The following GRID2 variants were observed in gnomAD, a reference collection of about 807,000 sequenced individuals.
GRID2 encodes glutamate receptor ionotropic, delta-2.
Under a neutral mutation model 114.8 loss-of-function variants are expected in GRID2, and 33 were observed. The observed-to-expected ratio is 0.29, with a 90% CI of 0.22 to 0.38. The LOEUF (loss-of-function observed/expected upper bound fraction) is 0.38. Ranked by LOEUF, GRID2 falls within the 10% of genes least tolerant of loss-of-function variation. The pLI, the probability that GRID2 is intolerant of heterozygous loss-of-function variation, is 1.00. For missense variants in GRID2, 1,184 were observed against 1,257.7 expected, an observed-to-expected ratio of 0.94 and a Z score of 0.89; for synonymous variants, 505 against 449.9, an observed-to-expected ratio of 1.12 and a Z score of -1.55.
intron 3 of GRID2, among the ~76,000 whole-genome samples, chr4:93,090,039 T>C (rs1471767813): frequency 6.6e-6 from 1 of 152,152 alleles, no homozygotes; most frequent in African/African-American, 2.4e-5. Flanking sequence ...ACAGGAGACC[T>C]ATGGAGAATT....
intron 2 of GRID2, among the ~76,000 whole-genome samples, chr4:92,793,717 G>A (rs1739704148): frequency 1.3e-5 from 2 of 151,730 alleles, no homozygotes; most frequent in Non-Finnish European, 2.9e-5. Context: ...CTGAAAGTTG[G>A]CTCTCTACTT....
intron 1 of GRID2, among the ~76,000 whole-genome samples, chr4:92,555,626 T>C (rs1241767617): frequency 6.6e-6 from 1 of 152,164 alleles, no homozygotes; most frequent in Non-Finnish European, 1.5e-5. Flanking sequence ...CATTTTGGCA[T>C]GTTCTCGAGG....
chr4:93,758,318 A>G (rs1732930101), intron 14 of GRID2, among the ~76,000 whole-genome samples: 1 of 152,210 alleles, frequency 6.6e-6, no homozygotes. Flanking sequence ...CTCCTGGCTG[A>G]GAGTTTTTAT....
chr4:93,550,721 A>C (rs1733675654), intron 13 of GRID2, among the ~76,000 whole-genome samples: 1 of 152,234 alleles, frequency 6.6e-6, no homozygotes, highest in Non-Finnish European at 1.5e-5. Flanking sequence ...AATATGTTGA[A>C]TAATCCTTAA....
At chr4:92,666,673 G>C (rs1579802064) in intron 2 of GRID2, among the ~76,000 whole-genome samples, 1 of 48,498 alleles carries the variant, frequency 2.1e-5, no homozygotes. Flanking sequence ...TTTTTTTTCA[G>C]ATCTTTTCTG....
intron 2 of GRID2, among the ~76,000 whole-genome samples, chr4:92,596,902 C>T (rs1471887116): frequency 6.6e-6 from 1 of 151,952 alleles, no homozygotes; most frequent in Admixed American, 6.6e-5. Flanking sequence ...CATATAACTC[C>T]AGGAATAAAA....
chr4:93,257,773 G>C (rs867007739), intron 8 of GRID2, among the ~76,000 whole-genome samples: 1 of 151,244 alleles, frequency 6.6e-6, no homozygotes, highest in Non-Finnish European at 1.5e-5. Context: ...CATGATGTGT[G>C]AGTGCCCTAC....
intron 13 of GRID2, among the ~76,000 whole-genome samples, chr4:93,615,032 T>C (rs905319839): frequency 2.0e-5 from 3 of 152,228 alleles, no homozygotes; most frequent in Non-Finnish European, 2.9e-5. Flanking sequence ...TGGTGTGCAA[T>C]GCTGCTCTTA....
intron 1 of GRID2, among the ~76,000 whole-genome samples, chr4:92,509,064 C>T (rs1329112209): frequency 6.6e-6 from 1 of 151,660 alleles, no homozygotes; most frequent in Non-Finnish European, 1.5e-5. Context: ...GAGACCCTGT[C>T]TGTTAAAAAA....
intron 1 of GRID2, among the ~76,000 whole-genome samples, chr4:92,444,497 G>T (rs565793094): frequency 6.6e-6 from 1 of 152,060 alleles, no homozygotes; most frequent in African/African-American, 2.4e-5. Flanking sequence ...GGCAAGGACT[G>T]GCCATTTACA....
At chr4:93,656,504 G>T (rs1723003133) in intron 14 of GRID2, among the ~76,000 whole-genome samples, 1 of 151,826 alleles carries the variant, frequency 6.6e-6, no homozygotes, top group African/African-American at 2.4e-5. Flanking sequence ...AGTAAATTTA[G>T]CCTATTCATC....
chr4:92,555,431 C>A (rs1726805256), intron 1 of GRID2, among the ~76,000 whole-genome samples: 1 of 152,072 alleles, frequency 6.6e-6, no homozygotes, highest in African/African-American at 2.4e-5. Context: ...ACTTCAATTT[C>A]ATTAAGGATA....
At chr4:92,665,581 G>T (rs1280669157) in intron 2 of GRID2, among the ~76,000 whole-genome samples, 2 of 151,052 alleles carry the variant, frequency 1.3e-5, no homozygotes, top group African/African-American at 4.8e-5. Flanking sequence ...AACTGCAAGA[G>T]TGTTTTTTAG....
At chr4:92,704,642 T>A (rs909606220) in intron 2 of GRID2, among the ~76,000 whole-genome samples, 1 of 152,072 alleles carries the variant, frequency 6.6e-6, no homozygotes. Flanking sequence ...CGTGTAGAAT[T>A]GCTTGGGCAC....
chr4:92,580,013 G>A (rs1294429243), intron 1 of GRID2, among the ~76,000 whole-genome samples: 1 of 146,622 alleles, frequency 6.8e-6, no homozygotes, highest in Non-Finnish European at 1.5e-5. Context: ...TTTATATATA[G>A]TATAATGGAC....
At chr4:93,363,697 CTTAAA>C (rs757088986) in intron 8 of GRID2, among the ~76,000 whole-genome samples, 1 of 151,890 alleles carries the variant, frequency 6.6e-6, no homozygotes, top group Non-Finnish European at 1.5e-5. Context: ...TTAACATGTA[CTTAAA>C]TTAATATACC....
intron 2 of GRID2, among the ~76,000 whole-genome samples, chr4:92,816,910 ATTC>A (rs1204128058): frequency 1.3e-5 from 2 of 152,116 alleles, no homozygotes; most frequent in Non-Finnish European, 2.9e-5. Flanking sequence ...TGTATCTGCA[ATTC>A]TTCTCTCTCT....
chr4:92,457,177 TC>T (rs1278534674), intron 1 of GRID2, among the ~76,000 whole-genome samples: 2 of 152,248 alleles, frequency 1.3e-5, no homozygotes, highest in East Asian at 3.9e-4. Context: ...CTCTATCACC[TC>T]AGTTTTTGAC....
chr4:92,577,489 G>C (rs1727953670), intron 1 of GRID2, among the ~76,000 whole-genome samples: 1 of 152,206 alleles, frequency 6.6e-6, no homozygotes, highest in Admixed American at 6.5e-5. Flanking sequence ...GCAGGAGGTA[G>C]TCAAGTGACA....
Sources: allele counts gnomAD v4.1 joint callset (sites outside exome capture counted in the v4.1 genomes callset), GRCh38; gene constraint gnomAD v4.1.1; transcripts MANE v1.5; gene names NCBI Gene and HGNC (gene_info 2026-07-23, HGNC 2026-07-21).